Variants in FAM222A observed in about 807,000 individuals in gnomAD.
FAM222A encodes the protein family with sequence similarity 222 member A, also known as protein FAM222A.
Under a neutral mutation model 25.8 loss-of-function variants are expected in FAM222A, and 7 were observed. The ratio of observed to expected loss-of-function variants is 0.27; its 90% CI spans 0.15 to 0.51. FAM222A has a LOEUF of 0.51. Among genes scored for constraint, FAM222A ranks in the 20% least tolerant of loss-of-function variants. The pLI is 0.97. For missense variants in FAM222A, 573 were observed against 640.5 expected (o/e 0.89, Z 1.14); for synonymous variants, 294 against 298.8 (o/e 0.98, Z 0.17).
intron 1 of FAM222A, among the ~76,000 whole-genome samples, chr12:109,724,237 G>A (rs994153867): frequency 1.3e-5 from 2 of 152,276 alleles, no homozygotes; most frequent in Non-Finnish European, 2.9e-5. Flanking sequence ...TCAAGTACCA[G>A]GTCCTGGCCT....
rs1889145201 is a variant in FAM222A at position 109,768,749 on chromosome 12, A to C, written c.820A>C (p.Lys274Gln). ...AGCCTTGACGTTGGCTGGGGCCGCCAAGCCTGCAGGGTACGCAGACAGCGG... is the reference window on the plus strand; with the variant it reads ...AGCCTTGACGTTGGCTGGGGCCGCCCAGCCTGCAGGGTACGCAGACAGCGG... Reference protein sequence around the residue: ...TQALTLAGAAKPAGYADSGLD... With the variant: ...TQALTLAGAAQPAGYADSGLD... The change falls in exon 3 of 3, where the codon AAG becomes CAG. Residue 274 changes from lysine to glutamine, a missense_variant. This residue lies in a region of FAM222A where 412 missense variants were observed against 407.0 expected (regional missense o/e 1.01). Coordinates refer to ENST00000538780, the MANE Select transcript of FAM222A (RefSeq NM_032829.3). 6.3e-7 allele frequency: 1 copy of C among 1,580,386 alleles called. No individual in the cohort carries two copies.
chr12:109,750,118 CTG>C (rs772368218), intron 2 of FAM222A, among the ~76,000 whole-genome samples: 1 of 152,178 alleles, frequency 6.6e-6, no homozygotes, highest in Non-Finnish European at 1.5e-5. Context: ...AAGTCTTTCA[CTG>C]TGTGATTTGT....
In FAM222A at chr12:109,714,616, G is replaced by A. The variant is rs1887605083; in HGVS notation, c.-328G>A. 1 of 151,894 alleles carries A rather than the reference G, an allele frequency of 6.6e-6. No individual in the cohort carries two copies. Among genetic ancestry groups the A allele is most frequent in the Non-Finnish European group, 1.5e-5 (1 of 67,930 alleles). The allele number at this position is 151,894 out of a possible 1,614,324, so 9.4% of individuals were successfully genotyped here. ...CCGCCCGCCGGACGTGGCGATCACGGGCCCCGGCGAAGATGCGTCGCCTGA... is the reference window on the plus strand; with the variant it reads ...CCGCCCGCCGGACGTGGCGATCACGAGCCCCGGCGAAGATGCGTCGCCTGA... On this transcript the variant is annotated 5_prime_UTR_variant, in exon 1 of 3. Coordinates refer to ENST00000538780, the MANE Select transcript of FAM222A (RefSeq NM_032829.3). This position sits in a 1 kb window ranked among gnomAD's most constrained non-coding sequence, Gnocchi z 4.2.
At position 109,733,597 on chromosome 12, in the gene FAM222A, G is replaced by T. The variant is rs543717098; in HGVS notation, c.-46-10504G>T. Among the ~76,000 whole-genome samples, 33 of 152,146 alleles carry T rather than the reference G, an allele frequency of 2.2e-4. No individual in the cohort carries two copies. The South Asian group carries it at 6.7e-3, about 31-fold the overall frequency. On this transcript the variant is annotated intron_variant, in intron 1 of 2. Transcript: ENST00000538780. ...TTTTTGTATTTTTAGTAGAGAGGGG[G>T]TTTCACCGTGTTAGCCAGGATGGTC...
chr12:109,766,198 G>A (rs1409022249), intron 2 of FAM222A, among the ~76,000 whole-genome samples: 1 of 152,210 alleles, frequency 6.6e-6, no homozygotes, highest in Non-Finnish European at 1.5e-5. Context: ...TACATGCCCA[G>A]GGCCATTCCA....
intron 2 of FAM222A, among the ~76,000 whole-genome samples, chr12:109,746,100 T>C (rs1888393518): frequency 6.6e-6 from 1 of 152,232 alleles, no homozygotes; most frequent in South Asian, 2.1e-4. Flanking sequence ...TTTTATGGCA[T>C]TGGATTTTGT....
At position 109,768,532 on chromosome 12, in the gene FAM222A, C is replaced by G; in HGVS notation, c.603C>G (p.Ser201Arg). 6.2e-7 allele frequency: 1 copy of G among 1,603,878 alleles called. No homozygotes were observed. Among genetic ancestry groups the G allele is most frequent in the Non-Finnish European group, 8.5e-7 (1 of 1,176,176 alleles). Residue 201 changes from serine (S) to arginine (R), a missense_variant, in exon 3 of 3, where the codon AGC becomes AGG. Coordinates refer to ENST00000538780, the MANE Select transcript of FAM222A (RefSeq NM_032829.3). The stretch of plus-strand genomic sequence containing the variant: ...CTTCCAACCTGCCCTCCATCCACAG[C>G]CTCCTGTACCAGCTCAACCAGCAGT... ...LPPSNLPSIH[S>R]LLYQLNQQCQ...
chr12:109,769,698 C>G lies in FAM222A; in HGVS notation c.*410C>G, dbSNP rs955940850. 1.9e-5 allele frequency: 4 copies of G among 208,538 alleles called. No homozygotes were observed. The highest frequency in any genetic ancestry group is 9.3e-5 in the African/African-American group (4 of 43,072). 12.9% of individuals were successfully genotyped at this position (208,538 alleles called of 1,614,324 possible). ...GTCAGGGTGGGGGCAGGGCAGCCCC[C>G]CCAGGGGTCAGGCAGCTGTGTCTCC... On this transcript the variant is annotated 3_prime_UTR_variant, in exon 3 of 3. Coordinates refer to ENST00000538780, the MANE Select transcript of FAM222A (RefSeq NM_032829.3).
intron 2 of FAM222A, among the ~76,000 whole-genome samples, chr12:109,760,071 A>G (rs994272008): frequency 2.0e-5 from 3 of 152,112 alleles, no homozygotes; most frequent in Admixed American, 6.5e-5. Context: ...CTCTTACTGC[A>G]TTTACCCAGC....
chr12:109,731,771 G>A (rs1185020563), intron 1 of FAM222A, among the ~76,000 whole-genome samples: 1 of 152,178 alleles, frequency 6.6e-6, no homozygotes, highest in Non-Finnish European at 1.5e-5. Flanking sequence ...CTGGGTGTGT[G>A]GAGGGGTTTG....
intron 1 of FAM222A, among the ~76,000 whole-genome samples, chr12:109,724,477 G>C (rs867859336): frequency 6.6e-6 from 1 of 152,210 alleles, no homozygotes; most frequent in Non-Finnish European, 1.5e-5. Flanking sequence ...CTGGTGCCCA[G>C]CCTGGCTCTG....
At chr12:109,760,656 T>G (rs1321941090) in intron 2 of FAM222A, among the ~76,000 whole-genome samples, 1 of 152,210 alleles carries the variant, frequency 6.6e-6, no homozygotes, top group Non-Finnish European at 1.5e-5. Flanking sequence ...GGCATTTGTT[T>G]GTGACCCCCG....
At chr12:109,756,078 A>T (rs959965800) in intron 2 of FAM222A, among the ~76,000 whole-genome samples, 1 of 152,244 alleles carries the variant, frequency 6.6e-6, no homozygotes, top group African/African-American at 2.4e-5. Context: ...ATTGTCTTCC[A>T]ATCCATGAAT....
At chr12:109,740,741 C>T (rs1481298349) in intron 1 of FAM222A, among the ~76,000 whole-genome samples, 1 of 152,218 alleles carries the variant, frequency 6.6e-6, no homozygotes, top group African/African-American at 2.4e-5. Flanking sequence ...TTACTCTTGC[C>T]AGGCACTGGG....
At chr12:109,738,952 G>A (rs2136334816) in intron 1 of FAM222A, among the ~76,000 whole-genome samples, 1 of 152,334 alleles carries the variant, frequency 6.6e-6, no homozygotes, top group South Asian at 2.1e-4. Flanking sequence ...TGCCTGGCAG[G>A]TACAACCCAG....
chr12:109,715,926 A>C (rs1057445578), intron 1 of FAM222A, among the ~76,000 whole-genome samples: 2 of 152,150 alleles, frequency 1.3e-5, no homozygotes, highest in Non-Finnish European at 2.9e-5. Context: ...TCCCCCAGCC[A>C]AGGAAGGTGC....
At chr12:109,749,111 T>G (rs1274228226) in intron 2 of FAM222A, among the ~76,000 whole-genome samples, 1 of 152,136 alleles carries the variant, frequency 6.6e-6, no homozygotes, top group Non-Finnish European at 1.5e-5. Context: ...TTTGTTTGTT[T>G]GTTGTTTGTT....
At chr12:109,756,655 T>G (rs752434114) in intron 2 of FAM222A, among the ~76,000 whole-genome samples, 19 of 152,224 alleles carry the variant, frequency 1.2e-4, no homozygotes, top group Non-Finnish European at 2.5e-4. Context: ...TAACATTAAT[T>G]GATTTTTGGA....
At chr12:109,736,503 G>A (rs540720084) in intron 1 of FAM222A, among the ~76,000 whole-genome samples, 2 of 152,242 alleles carry the variant, frequency 1.3e-5, no homozygotes, top group South Asian at 2.1e-4. Context: ...AGACACTGTC[G>A]CTCTGCTAAT....
Sources: allele counts gnomAD v4.1 joint callset (sites outside exome capture counted in the v4.1 genomes callset), GRCh38; gene constraint gnomAD v4.1.1; regional missense constraint gnomAD v4.1.1; non-coding constraint Gnocchi (gnomAD v3.1); transcripts MANE v1.5; gene names NCBI Gene and HGNC (gene_info 2026-07-23, HGNC 2026-07-21).